CNGB1: variants seen among roughly 807,000 people sequenced by gnomAD.
The protein encoded by CNGB1 is cyclic nucleotide-gated channel beta-1.
Under a neutral mutation model 151.7 loss-of-function variants are expected in CNGB1, and 126 were observed. The ratio of observed to expected loss-of-function variants is 0.83; its 90% CI spans 0.72 to 0.96. CNGB1 has a LOEUF of 0.96. Ranked by LOEUF, CNGB1 falls within the 40% of genes least tolerant of loss-of-function variation. The pLI, the probability that CNGB1 is intolerant of heterozygous loss-of-function variation, is 0.00. For synonymous variants in CNGB1, 623 were observed against 635.1 expected (o/e 0.98, Z 0.29); for missense variants, 1,698 against 1,627.0 (o/e 1.04, Z -0.75).
At position 57,960,047 on chromosome 16, in the gene CNGB1, T is replaced by C. The variant is rs1489374525; in HGVS notation, c.602A>G (p.Gln201Arg). ...ASDPAPPGRP[Q>R]EMGPKLQARE... is the part of the protein sequence containing the mutation. ...GGCCTGCAGCTTGGGCCCCATTTCC[T>C]GGGGGCGTCCTGGAGGCGCTAAGCA... is the stretch of plus-strand genomic sequence containing the variant. The change falls in exon 10 of 33, where the codon CAG (glutamine) becomes CGG (arginine). Residue 201 changes from glutamine to arginine, a missense_variant. Transcript: ENST00000251102. The C allele has an allele frequency of 1.3e-6, 2 of 1,560,686 alleles. No homozygotes were observed. The highest frequency in any genetic ancestry group is 1.7e-6 in the Non-Finnish European group (2 of 1,156,792).
At chr16:57,949,716 C>T (rs1961901956) in intron 13 of CNGB1, among the ~76,000 whole-genome samples, 1 of 152,200 alleles carries the variant, frequency 6.6e-6, no homozygotes, top group South Asian at 2.1e-4. Context: ...CCCATCTTAG[C>T]TATGTAAGTT....
Position 57,967,149 on chromosome 16 carries a change from G to C in CNGB1, c.138C>G (p.Ala46=). ...EVEPEPNPEE[A]ETESESMPPE... ...TCACCATGGACTCGGACTCTGTCTCGGCCTCCTCAGGATTCGGTTCTGGTT... is the reference window on the plus strand; with the variant it reads ...TCACCATGGACTCGGACTCTGTCTCCGCCTCCTCAGGATTCGGTTCTGGTT... The change falls in exon 2 of 33, where the codon GCC becomes GCG. Residue 46 remains alanine (A), a synonymous_variant. Coordinates refer to ENST00000251102, the MANE Select transcript of CNGB1 (RefSeq NM_001297.5). 1.2e-6 allele frequency: 2 copies of C among 1,614,082 alleles called. No individual in the cohort carries two copies. The highest frequency in any genetic ancestry group is 1.7e-6 in the Non-Finnish European group (2 of 1,180,014).
chr16:57,897,301 CAAA>C (rs397944283), intron 31 of CNGB1, 93 bp downstream of exon 31: 2,885 of 1,046,910 alleles, frequency 2.8e-3, no homozygotes, highest in Middle Eastern at 3.2e-3. Flanking sequence ...GATGTCATCT[CAAA>C]AAAAAAAAAA....
chr16:57,959,925 G>C lies in CNGB1; in HGVS notation c.724C>G (p.Gln242Glu), dbSNP rs1482451622. The C allele has an allele frequency of 8.2e-6, 13 of 1,578,316 alleles. No individual in the cohort carries two copies. Among genetic ancestry groups the C allele is most frequent in the African/African-American group, 5.4e-5 (4 of 74,284 alleles). ...APEPQPGSQA[Q>E]TSSLPPTRDP... ...CTGGTTGGTGGCAGGGAGGAGGTCT[G>C]GGCCTGGGAGCCGGGCTGGGGCTCT... Residue 242 changes from glutamine to glutamate, a missense_variant, in exon 10 of 33, where the codon CAG becomes GAG. Transcript: ENST00000251102.
At chr16:57,900,560 C>G (rs955173135) in intron 29 of CNGB1, among the ~76,000 whole-genome samples, 2 of 152,068 alleles carry the variant, frequency 1.3e-5, no homozygotes, top group Non-Finnish European at 2.9e-5. Context: ...AGAAAGGGCT[C>G]TAGACATTGT....
At chr16:57,910,653 C>T (rs912317017) in intron 25 of CNGB1, among the ~76,000 whole-genome samples, 14 of 145,502 alleles carry the variant, frequency 9.6e-5, no homozygotes, top group African/African-American at 2.8e-4. Flanking sequence ...GGATTACAGG[C>T]GTGAGCCACC....
In CNGB1 at chr16:57,887,939, G is replaced by C; in HGVS notation, c.3378C>G (p.Gly1126=). Residue 1126 remains glycine (G), a synonymous_variant, in exon 32 of 33, where the codon GGC becomes GGG. Transcript: ENST00000251102. ...GGGCCCGGAGGTGAGCAAGTTTGCC[G>C]CCTTTTGCCCCCTTGCCACCCATCT... ...TGKMGGKGAK[G]GKLAHLRARL... 5 of 1,614,180 alleles carry C rather than the reference G, an allele frequency of 3.1e-6. No homozygotes were observed. The highest frequency in any genetic ancestry group is 4.2e-6 in the Non-Finnish European group (5 of 1,180,034).
rs771383315 is a variant in CNGB1, at chr16:57,967,327, A to T, written c.-8-33T>A. 17 of 1,611,032 alleles carry T rather than the reference A, an allele frequency of 1.1e-5. No individual in the cohort carries two copies. In the Admixed American group the frequency reaches 2.7e-4, roughly 25 times the overall value. ...AGACAGAGTCCTTAGCCCTCCCTGGAGCACTCACAGTAGCTCCCGCCACTT... is the reference window on the plus strand; with the variant it reads ...AGACAGAGTCCTTAGCCCTCCCTGGTGCACTCACAGTAGCTCCCGCCACTT... On this transcript the variant is annotated intron_variant, in intron 1 of 32. Coordinates refer to ENST00000251102, the MANE Select transcript of CNGB1 (RefSeq NM_001297.5).
intron 31 of CNGB1, among the ~76,000 whole-genome samples, chr16:57,893,759 T>C (rs1171284887): frequency 6.6e-6 from 1 of 152,036 alleles, no homozygotes; most frequent in Non-Finnish European, 1.5e-5. Context: ...TGAGCCAGGA[T>C]TGCGCCACTG....
At chr16:57,934,914 G>A (rs558256853) in intron 16 of CNGB1, among the ~76,000 whole-genome samples, 13 of 149,260 alleles carry the variant, frequency 8.7e-5, no homozygotes, top group African/African-American at 3.0e-4. Flanking sequence ...CTGAGATTGC[G>A]CCACTGCACT....
At chr16:57,963,801 G>A in intron 4 of CNGB1, 1 of 368,522 alleles carries the variant, frequency 2.7e-6, no homozygotes, top group Non-Finnish European at 5.0e-6. Context: ...CTGCCCTCAA[G>A]GGGCTAACAG....
intron 12 of CNGB1, chr16:57,955,124 C>A (rs904662609): frequency 1.4e-6 from 2 of 1,433,724 alleles, no homozygotes; most frequent in Non-Finnish European, 9.1e-7. Context: ...CATGGCTGGC[C>A]TTCCCCTTGT....
chr16:57,939,506 C>A lies in CNGB1; in HGVS notation c.1296G>T (p.Glu432Asp). Residue 432 changes from glutamate (E) to aspartate (D), a missense_variant, in exon 16 of 33, where the codon GAG becomes GAT. Transcript: ENST00000251102. ...KEEAEEVAEE[E>D]AEKEPQDWAE... ...CCCAGTCCTGGGGCTCCTTTTCAGC[C>A]TCCTCTTCAGCCACCTCCTCGGCCT... The A allele has an allele frequency of 6.2e-7, 1 of 1,614,096 alleles. No individual in the cohort carries two copies. The highest frequency in any genetic ancestry group is 8.5e-7 in the Non-Finnish European group (1 of 1,179,966).
intron 14 of CNGB1, among the ~76,000 whole-genome samples, chr16:57,945,053 G>GT (rs2149379193): frequency 6.6e-6 from 1 of 151,542 alleles, no homozygotes; most frequent in Non-Finnish European, 1.5e-5. Flanking sequence ...CTGACAGATC[G>GT]TAACTGTTAC....
At chr16:57,948,876 T>C (rs1450301611) in intron 14 of CNGB1, among the ~76,000 whole-genome samples, 1 of 152,208 alleles carries the variant, frequency 6.6e-6, no homozygotes, top group African/African-American at 2.4e-5. Flanking sequence ...GATCGACCAT[T>C]ACTGGGCAGT....
chr16:57,947,861 G>A (rs1397379531), intron 14 of CNGB1, among the ~76,000 whole-genome samples: 1 of 152,192 alleles, frequency 6.6e-6, no homozygotes, highest in African/African-American at 2.4e-5. Context: ...CTCTGCAGGA[G>A]CCTTTTATTA....
intron 31 of CNGB1, among the ~76,000 whole-genome samples, chr16:57,895,461 T>C (rs1960197040): frequency 6.6e-6 from 1 of 151,486 alleles, no homozygotes; most frequent in African/African-American, 2.4e-5. Flanking sequence ...AGATAATCAG[T>C]AGAATAGACA....
chr16:57,923,003 AG>A (rs1331678833), intron 18 of CNGB1: 17 of 364,288 alleles, frequency 4.7e-5, no homozygotes, highest in African/African-American at 6.3e-5. Flanking sequence ...CTCCTTCACA[AG>A]GGGACCTCTG....
At chr16:57,887,377 T>C (rs1168915559) in intron 32 of CNGB1, among the ~76,000 whole-genome samples, 4 of 152,136 alleles carry the variant, frequency 2.6e-5, no homozygotes, top group East Asian at 3.9e-4. Context: ...TAGAGCACCA[T>C]AGTGCCCTGG....
Sources: gnomAD v4.1 joint callset for allele counts (sites outside exome capture counted in the v4.1 genomes callset) on GRCh38, gnomAD v4.1.1 for gene constraint, MANE v1.5 for transcripts, NCBI Gene and HGNC (gene_info 2026-07-23, HGNC 2026-07-21) for gene names.